The following LIMA1 variants were observed in gnomAD, a reference collection of about 807,000 sequenced individuals.
The protein encoded by LIMA1 is LIM domain and actin binding 1, also known as LIM domain and actin-binding protein 1.
In LIMA1, 52 loss-of-function variants were observed where a neutral mutation model predicts 62.6. The ratio of observed to expected loss-of-function variants is 0.83; its 90% confidence interval spans 0.67 to 1.05. The LOEUF (loss-of-function observed/expected upper bound fraction) is 1.05. Ranked by LOEUF, LIMA1 falls within the 50% of genes least tolerant of loss-of-function variation. LIMA1 has a pLI of 0.00. For synonymous variants in LIMA1, 302 were observed against 317.8 expected, an observed-to-expected ratio of 0.95 and a Z score of 0.53; for missense variants, 780 against 902.2, an observed-to-expected ratio of 0.86 and a Z score of 1.74.
chr12:50,231,723 G>A lies in LIMA1; in HGVS notation c.120-13C>T, dbSNP rs200743484. On this transcript the variant is annotated splice_polypyrimidine_tract_variant and intron_variant, in intron 2 of 10. Coordinates refer to ENST00000341247, the MANE Select transcript of LIMA1 (RefSeq NM_016357.5). The stretch of plus-strand genomic sequence containing the variant: ...TGCTTTCTGGTACCTTCAGAGAAGG[G>A]AAGGAAAGAATGTCTCAAATTAAAC... The A allele has an allele frequency of 1.2e-6, 2 of 1,609,478 alleles. No homozygotes were observed. The highest frequency in any genetic ancestry group is 1.3e-5 in the African/African-American group (1 of 74,832).
At chr12:50,253,548 C>G (rs1189177917) in intron 1 of LIMA1, among the ~76,000 whole-genome samples, 5 of 152,200 alleles carry the variant, frequency 3.3e-5, no homozygotes, top group Non-Finnish European at 7.3e-5. Context: ...AGAAAAATCC[C>G]TGAACCACCT....
chr12:50,185,141 A>AT (rs1365048818), intron 9 of LIMA1, among the ~76,000 whole-genome samples: 1 of 152,068 alleles, frequency 6.6e-6, no homozygotes, highest in African/African-American at 2.4e-5. Context: ...GGAATTCTGT[A>AT]TTTTTTAACA....
At chr12:50,199,796 G>A (rs1011892159) in intron 7 of LIMA1, among the ~76,000 whole-genome samples, 4 of 152,156 alleles carry the variant, frequency 2.6e-5, no homozygotes, top group Non-Finnish European at 5.9e-5. Context: ...ATGAGTATCT[G>A]AAGATAATCT....
intron 2 of LIMA1, among the ~76,000 whole-genome samples, chr12:50,245,412 C>CA (rs1298537875): frequency 0.084 from 7,054 of 83,536 alleles, 189 homozygotes; most frequent in African/African-American, 0.12. Flanking sequence ...GACCCTGTCT[C>CA]AAAAAAAAAA....
chr12:50,282,537 A>AT (rs1019020054), intron 1 of LIMA1, among the ~76,000 whole-genome samples: 5 of 152,136 alleles, frequency 3.3e-5, no homozygotes, highest in East Asian at 1.9e-4. Flanking sequence ...TTATTTATTT[A>AT]TTTTTTTGTA....
At chr12:50,212,179 C>A (rs923167177) in intron 4 of LIMA1, among the ~76,000 whole-genome samples, 1 of 152,150 alleles carries the variant, frequency 6.6e-6, no homozygotes, top group Non-Finnish European at 1.5e-5. Context: ...AGTAACAAAG[C>A]AGGATTTCCT....
chr12:50,187,463 G>A (rs1225130278), intron 9 of LIMA1: 4 of 152,208 alleles, frequency 2.6e-5, no homozygotes, highest in African/African-American at 9.7e-5. Context: ...GCCCTGTGCA[G>A]CCTTAACCCT....
At chr12:50,225,168 C>A (rs968062875) in intron 3 of LIMA1, among the ~76,000 whole-genome samples, 3 of 152,114 alleles carry the variant, frequency 2.0e-5, no homozygotes, top group African/African-American at 7.2e-5. Flanking sequence ...TCCCAAAGTG[C>A]TGGGATTATA....
chr12:50,195,468 G>A lies in LIMA1; in HGVS notation c.1030+362C>T, dbSNP rs12314043. ...CAAATACTTATTCACTAAAGAATAG[G>A]TATTTATGAATAACATTATAAATGA... On this transcript the variant is annotated intron_variant, in intron 8 of 10. Transcript: ENST00000341247. 387 of 166,478 alleles carry A rather than the reference G, an allele frequency of 2.3e-3. 2 individuals are homozygous for A. The highest frequency in any genetic ancestry group is 8.4e-3 in the African/African-American group (354 of 42,118). The allele number at this position is 166,478 out of a possible 1,614,324, so 10.3% of individuals were successfully genotyped here. A position where few individuals can be genotyped will look rare whatever the true frequency, so the allele number is the denominator to read the frequency against.
chr12:50,201,149 C>A (rs913128933), intron 6 of LIMA1: 1 of 1,185,562 alleles, frequency 8.4e-7, no homozygotes, highest in South Asian at 2.2e-5. Flanking sequence ...TCAACACAGG[C>A]ACACAGAACA....
At chr12:50,208,992 C>CTTT (rs34753640) in intron 4 of LIMA1, among the ~76,000 whole-genome samples, 8 of 136,282 alleles carry the variant, frequency 5.9e-5, no homozygotes, top group South Asian at 2.4e-4. Flanking sequence ...TTCTTTCTTT[C>CTTT]TTTTTTTTTT....
At chr12:50,186,053 T>G (rs956292997) in intron 9 of LIMA1, 19 of 152,688 alleles carry the variant, frequency 1.2e-4, no homozygotes, top group African/African-American at 4.6e-4. Flanking sequence ...TTCTATGTCC[T>G]GGGCTCTCAG....
At chr12:50,190,933 C>T (rs968266288) in intron 9 of LIMA1, among the ~76,000 whole-genome samples, 1 of 150,756 alleles carries the variant, frequency 6.6e-6, no homozygotes, top group Admixed American at 6.6e-5. Context: ...GCTTGGGCAA[C>T]ATAGTGAGAC....
Position 50,177,290 on chromosome 12 carries a change from TCTGCAC to T in LIMA1, c.2048_2053del (p.Gly683_Ala684del). 14 of 1,614,200 alleles carry T rather than the reference TCTGCAC, an allele frequency of 8.7e-6. No individual in the cohort carries two copies. Among genetic ancestry groups the T allele is most frequent in the Non-Finnish European group, 1.2e-5 (14 of 1,180,042 alleles). ...GAAGCTGTTATCATCTTCATCGGAG[TCTGCAC>T]CATTTTCTACAAGATTCTCATTCTC... On this transcript the variant is annotated inframe_deletion, in exon 11 of 11. Coordinates refer to ENST00000341247, the MANE Select transcript of LIMA1 (RefSeq NM_016357.5).
intron 3 of LIMA1, among the ~76,000 whole-genome samples, chr12:50,227,172 A>G (rs1479287513): frequency 6.6e-6 from 1 of 151,796 alleles, no homozygotes; most frequent in Non-Finnish European, 1.5e-5. Context: ...TCTACCTGGA[A>G]GTGCTAGAGG....
In LIMA1 at chr12:50,179,688, C is replaced by T. The variant is rs550430409; in HGVS notation, c.1275-1619G>A. ...TCCTGACCTCGTGATCTGCCCACCT[C>T]GGCCTCCCAAAGTGCTGGGATTACA... On this transcript the variant is annotated intron_variant, in intron 10 of 10. Transcript: ENST00000341247. Among the ~76,000 whole-genome samples the T allele has an allele frequency of 6.4e-3, 964 of 151,038 alleles. 7 individuals carry two copies. The highest frequency in any genetic ancestry group is 9.7e-3 in the Non-Finnish European group (658 of 67,738).
intron 9 of LIMA1, among the ~76,000 whole-genome samples, chr12:50,190,649 G>A (rs1403887092): frequency 6.9e-6 from 1 of 144,576 alleles, no homozygotes; most frequent in African/African-American, 2.6e-5. Context: ...CAAAGTGCTG[G>A]GATTACAGGC....
intron 1 of LIMA1, among the ~76,000 whole-genome samples, chr12:50,260,919 A>G (rs1942057935): frequency 7.9e-6 from 1 of 126,374 alleles, no homozygotes. Flanking sequence ...GGCAAGTTTA[A>G]TAACTTGCCC....
chr12:50,201,495 A>G, intron 6 of LIMA1: 1 of 984,010 alleles, frequency 1.0e-6, no homozygotes, highest in Non-Finnish European at 1.2e-6. Context: ...GAGCCTCAAC[A>G]TAAAAGAACA....
Sources: gnomAD v4.1 joint callset for allele counts (sites outside exome capture counted in the v4.1 genomes callset) on GRCh38, gnomAD v4.1.1 for gene constraint, MANE v1.5 for transcripts, NCBI Gene and HGNC (gene_info 2026-07-23, HGNC 2026-07-21) for gene names.